TTC9: variants seen among roughly 807,000 people sequenced by gnomAD.
The protein encoded by TTC9 is tetratricopeptide repeat domain 9, also known as tetratricopeptide repeat protein 9A.
Under a neutral mutation model 22.9 loss-of-function variants are expected in TTC9, and 13 were observed. The ratio of observed to expected loss-of-function variants is 0.57; its 90% CI spans 0.37 to 0.90. The LOEUF (loss-of-function observed/expected upper bound fraction) is 0.90, where lower values mean the gene tolerates loss of function less well. TTC9 is among the 40% of genes least tolerant of loss of function. TTC9 has a pLI of 0.01. For missense variants in TTC9, 280 were observed against 291.8 expected, an observed-to-expected ratio of 0.96 and a Z score of 0.29; for synonymous variants, 148 against 133.2, an observed-to-expected ratio of 1.11 and a Z score of -0.77.
intron 1 of TTC9, among the ~76,000 whole-genome samples, chr14:70,658,004 AG>A (rs1367830049): frequency 2.0e-5 from 3 of 152,198 alleles, no homozygotes; most frequent in Non-Finnish European, 4.4e-5. Flanking sequence ...AGCCACTTGG[AG>A]GGTGCTAACT....
At chr14:70,667,452 C>A (rs1886230672) in intron 1 of TTC9, 112 bp from the exon 2 acceptor site, 6 of 1,102,800 alleles carry the variant, frequency 5.4e-6, no homozygotes, top group Admixed American at 4.5e-5. Context: ...AAGATGTAAA[C>A]CCCAGTGGAA....
At position 70,671,268 on chromosome 14, in the gene TTC9, T is replaced by A; in HGVS notation, c.*113T>A. ...CTTTCTCCCCACTTCTTCTGGCTCCTCATTTTTCCTCCTGTTGCACCCCAG... is the reference window on the plus strand; with the variant it reads ...CTTTCTCCCCACTTCTTCTGGCTCCACATTTTTCCTCCTGTTGCACCCCAG... On this transcript the variant is annotated 3_prime_UTR_variant, in exon 3 of 3. Transcript: ENST00000256367. 1 of 842,850 alleles carries A rather than the reference T, an allele frequency of 1.2e-6. No homozygotes were observed. The highest frequency in any genetic ancestry group is 1.6e-5 in the South Asian group (1 of 62,294). The allele number at this position is 842,850 out of a possible 1,614,324, so 52.2% of individuals were successfully genotyped here.
At position 70,642,099 on chromosome 14, in the gene TTC9, G is replaced by A. The variant is rs1307546203; in HGVS notation, c.-31G>A. 3 of 1,073,390 alleles carry A rather than the reference G, an allele frequency of 2.8e-6. No homozygotes were observed. Among genetic ancestry groups the A allele is most frequent in the Middle Eastern group, 4.1e-4 (1 of 2,412 alleles). 66.5% of individuals were successfully genotyped at this position (1,073,390 alleles called of 1,614,324 possible). ...GCGGCGGCGGCGGCGGGCAGATCGCGGCGCGCACCAGGCGCCGGGGCGGCG... is the reference window on the plus strand; with the variant it reads ...GCGGCGGCGGCGGCGGGCAGATCGCAGCGCGCACCAGGCGCCGGGGCGGCG... On this transcript the variant is annotated 5_prime_UTR_variant, in exon 1 of 3. Coordinates refer to ENST00000256367, the MANE Select transcript of TTC9 (RefSeq NM_015351.2).
chr14:70,659,126 A>ACACGCG (rs59476766), intron 1 of TTC9, among the ~76,000 whole-genome samples: 17 of 131,436 alleles, frequency 1.3e-4, no homozygotes, highest in African/African-American at 3.6e-4. Flanking sequence ...CTAAACACAC[A>ACACGCG]CACACGCACA....
intron 1 of TTC9, among the ~76,000 whole-genome samples, chr14:70,655,157 G>A (rs1390613050): frequency 6.6e-6 from 1 of 152,242 alleles, no homozygotes; most frequent in Non-Finnish European, 1.5e-5. Context: ...ACTTTGGGAG[G>A]CCGAGGTGGG....
rs978231902 is a variant in TTC9, at chr14:70,671,268, T to C, written c.*113T>C. 2 of 842,850 alleles carry C rather than the reference T, an allele frequency of 2.4e-6. No homozygotes were observed. Among genetic ancestry groups the C allele is most frequent in the Middle Eastern group, 3.4e-4 (1 of 2,976 alleles). The allele number at this position is 842,850 out of a possible 1,614,324, so 52.2% of individuals were successfully genotyped here. ...CTTTCTCCCCACTTCTTCTGGCTCCTCATTTTTCCTCCTGTTGCACCCCAG... is the reference window on the plus strand; with the variant it reads ...CTTTCTCCCCACTTCTTCTGGCTCCCCATTTTTCCTCCTGTTGCACCCCAG... On this transcript the variant is annotated 3_prime_UTR_variant, in exon 3 of 3. Transcript: ENST00000256367.
chr14:70,658,384 G>A (rs1027835189), intron 1 of TTC9, among the ~76,000 whole-genome samples: 6 of 152,182 alleles, frequency 3.9e-5, no homozygotes, highest in Admixed American at 2.6e-4. Flanking sequence ...CAAGGGAGAC[G>A]CATTTCATAA....
intron 1 of TTC9, among the ~76,000 whole-genome samples, chr14:70,655,473 C>T (rs1489785891): frequency 6.6e-6 from 1 of 151,970 alleles, no homozygotes; most frequent in Non-Finnish European, 1.5e-5. Flanking sequence ...CAACAGTTAA[C>T]CGTTTTGGTT....
chr14:70,654,413 A>G (rs1886028723), intron 1 of TTC9, among the ~76,000 whole-genome samples: 1 of 151,900 alleles, frequency 6.6e-6, no homozygotes, highest in Non-Finnish European at 1.5e-5. Context: ...CAACATGGTG[A>G]AACCCTGTCT....
intron 1 of TTC9, among the ~76,000 whole-genome samples, chr14:70,655,268 C>T (rs1264043438): frequency 6.6e-6 from 1 of 152,148 alleles, no homozygotes; most frequent in South Asian, 2.1e-4. Context: ...GTGGCGTGCA[C>T]CTGTAGTCCT....
intron 1 of TTC9, among the ~76,000 whole-genome samples, chr14:70,654,764 CAG>C: frequency 6.6e-6 from 1 of 152,162 alleles, no homozygotes; most frequent in Non-Finnish European, 1.5e-5. Context: ...CGAATAGGCT[CAG>C]AGAGACTTCA....
In TTC9 at chr14:70,673,238, T is replaced by C. The variant is rs2139654066; in HGVS notation, c.*2083T>C. On this transcript the variant is annotated 3_prime_UTR_variant, in exon 3 of 3. Transcript: ENST00000256367. ...CCGAAAGGAAACACAAAGTTAAATA[T>C]GGGTTAATTATGTAAGCAGATGCCC... The C allele has an allele frequency of 6.6e-6, 1 of 152,222 alleles. No individual in the cohort carries two copies. Among genetic ancestry groups the C allele is most frequent in the African/African-American group, 2.4e-5 (1 of 41,526 alleles). The allele number at this position is 152,222 out of a possible 1,614,324, so 9.4% of individuals were successfully genotyped here.
chr14:70,658,054 A>G (rs1594738637), intron 1 of TTC9, among the ~76,000 whole-genome samples: 1 of 152,162 alleles, frequency 6.6e-6, no homozygotes, highest in South Asian at 2.1e-4. Context: ...CTTGATAAAG[A>G]CCTTCAGAGA....
intron 1 of TTC9, among the ~76,000 whole-genome samples, chr14:70,647,290 C>T (rs998431142): frequency 1.3e-5 from 2 of 152,152 alleles, no homozygotes; most frequent in Admixed American, 1.3e-4. Context: ...TTTTATTTCA[C>T]TTTTTTATAT....
At chr14:70,659,324 G>A (rs61980472) in intron 1 of TTC9, among the ~76,000 whole-genome samples, 26,747 of 152,124 alleles carry the variant, frequency 0.18, 3,131 homozygotes, top group Admixed American at 0.27. Context: ...TTCTTACAAC[G>A]GTAGGTGAAT....
intron 1 of TTC9, among the ~76,000 whole-genome samples, chr14:70,661,547 T>C (rs113424781): frequency 1.3e-3 from 199 of 152,350 alleles, no homozygotes; most frequent in African/African-American, 4.6e-3. Flanking sequence ...AGTGATTGCA[T>C]GAACTTGTTC....
chr14:70,654,784 C>A (rs535312681), intron 1 of TTC9, among the ~76,000 whole-genome samples: 22 of 152,138 alleles, frequency 1.4e-4, no homozygotes, highest in Admixed American at 2.0e-4. Context: ...TCAGTGCAGC[C>A]ACATGGTGGA....
intron 1 of TTC9, among the ~76,000 whole-genome samples, chr14:70,662,134 C>G (rs746599767): frequency 6.6e-6 from 1 of 152,140 alleles, no homozygotes. Context: ...TTCAATGGAG[C>G]CTCTAGATAT....
intron 1 of TTC9, among the ~76,000 whole-genome samples, chr14:70,656,210 TACACACACACACAC>T (rs34334641): frequency 0.032 from 4,693 of 148,010 alleles, 111 homozygotes; most frequent in Middle Eastern, 0.094. Flanking sequence ...TTCACCCTGA[TACACACACACACAC>T]ACACACACAC....
Sources: allele counts gnomAD v4.1 joint callset (sites outside exome capture counted in the v4.1 genomes callset), GRCh38; gene constraint gnomAD v4.1.1; transcripts MANE v1.5; gene names NCBI Gene and HGNC (gene_info 2026-07-23, HGNC 2026-07-21).